The following ARHGEF7 variants were observed in gnomAD, a reference collection of about 807,000 sequenced individuals.
ARHGEF7 encodes Rho guanine nucleotide exchange factor 7.
In ARHGEF7, 33 loss-of-function variants were observed where a neutral mutation model predicts 109.8. The observed-to-expected ratio is 0.30, with a 90% CI of 0.23 to 0.40. The LOEUF is 0.40. Ranked by LOEUF, ARHGEF7 falls within the 10% of genes least tolerant of loss-of-function variation. ARHGEF7 has a pLI of 1.00. For missense variants in ARHGEF7, 938 were observed against 1,098.5 expected, an observed-to-expected ratio of 0.85 and a Z score of 2.07; for synonymous variants, 458 against 424.6, an observed-to-expected ratio of 1.08 and a Z score of -0.97.
At chr13:111,181,642 G>A (rs1188877333) in intron 2 of ARHGEF7, among the ~76,000 whole-genome samples, 1 of 152,194 alleles carries the variant, frequency 6.6e-6, no homozygotes, top group Admixed American at 6.5e-5. Context: ...CTTGCCCTGA[G>A]GGAGTATAGA....
Position 111,290,441 on chromosome 13 carries a change from A to G in ARHGEF7, c.2135-1677A>G, listed in dbSNP as rs138484020. Among the ~76,000 whole-genome samples the G allele has an allele frequency of 5.8e-4, 89 of 152,376 alleles. 1 individual carries two copies. In the East Asian group the frequency reaches 0.016, roughly 27 times the overall value. On this transcript the variant is annotated intron_variant, in intron 18 of 21. Transcript: ENST00000646102. ...ATATGGGAGGTTGTGTGTAGGTACAATGCAAACACCATGCCATCTTATATC... is the reference window on the plus strand; with the variant it reads ...ATATGGGAGGTTGTGTGTAGGTACAGTGCAAACACCATGCCATCTTATATC...
At position 111,266,977 on chromosome 13, in the gene ARHGEF7, T is replaced by A; in HGVS notation, c.951-571T>A. The A allele has an allele frequency of 2.2e-6, 1 of 449,970 alleles. No individual in the cohort carries two copies. 27.9% of individuals were successfully genotyped at this position (449,970 alleles called of 1,614,324 possible). A position where few individuals can be genotyped will look rare whatever the true frequency, so the allele number is the denominator to read the frequency against. On this transcript the variant is annotated intron_variant, in intron 8 of 21. Coordinates refer to ENST00000646102, the MANE Select transcript of ARHGEF7 (RefSeq NM_001354046.2). The surrounding 1 kb of genome is among the most constrained non-coding windows in gnomAD (Gnocchi z 4.8). ...ACAGCTTGTGCCGACTTGTCACCCC[T>A]CATGCAGCTTCCAGTGCTGGTTCTG...
At chr13:111,275,401 C>T in intron 11 of ARHGEF7, 131 bp from the exon 12 acceptor site, 1 of 1,057,078 alleles carries the variant, frequency 9.5e-7, no homozygotes, top group South Asian at 1.6e-5. Context: ...GCAAATCGCT[C>T]AATAAATTAT....
At chr13:111,154,064 C>A in intron 2 of ARHGEF7, 73 bp downstream of exon 2, 1 of 1,409,326 alleles carries the variant, frequency 7.1e-7, no homozygotes, top group South Asian at 1.3e-5. Context: ...GTGCTTCGCT[C>A]CAGCCGGACC....
chr13:111,129,257 C>G (rs2074613709), intron 1 of ARHGEF7, among the ~76,000 whole-genome samples: 1 of 152,026 alleles, frequency 6.6e-6, no homozygotes, highest in African/African-American at 2.4e-5. Context: ...TAAAAAACTC[C>G]TAGAAGAAAA....
chr13:111,186,061 T>C, intron 2 of ARHGEF7, among the ~76,000 whole-genome samples: 1 of 151,610 alleles, frequency 6.6e-6, no homozygotes, highest in East Asian at 1.9e-4. Context: ...AGGTACGGGC[T>C]GTGTGGGCCA....
chr13:111,183,466 A>T (rs2078959961), intron 2 of ARHGEF7, among the ~76,000 whole-genome samples: 1 of 151,774 alleles, frequency 6.6e-6, no homozygotes, highest in Non-Finnish European at 1.5e-5. Flanking sequence ...GATGGGGTCT[A>T]CCCTCAGGTC....
intron 2 of ARHGEF7, among the ~76,000 whole-genome samples, chr13:111,197,788 C>T (rs1038713648): frequency 4.6e-5 from 7 of 152,018 alleles, no homozygotes; most frequent in African/African-American, 1.7e-4. Flanking sequence ...ATTGGCGGGC[C>T]CGGGTGCCTA....
At chr13:111,134,001 G>A (rs893117580) in intron 1 of ARHGEF7, among the ~76,000 whole-genome samples, 6 of 146,458 alleles carry the variant, frequency 4.1e-5, no homozygotes, top group African/African-American at 1.3e-4. Context: ...CCCTTCCTGT[G>A]TCCAAGTGTT....
intron 2 of ARHGEF7, among the ~76,000 whole-genome samples, chr13:111,165,692 C>T (rs1260093512): frequency 6.6e-6 from 1 of 152,134 alleles, no homozygotes; most frequent in African/African-American, 2.4e-5. Flanking sequence ...AGGAAGTGTC[C>T]TGCACAGCGG....
At chr13:111,120,696 C>G (rs780844114) in intron 1 of ARHGEF7, among the ~76,000 whole-genome samples, 5 of 152,182 alleles carry the variant, frequency 3.3e-5, no homozygotes, top group Non-Finnish European at 7.3e-5. Flanking sequence ...TCTGCCTGCT[C>G]GCCTCCTTTC....
At chr13:111,153,875 G>A in intron 1 of ARHGEF7, 30 bp from the exon 2 acceptor site, 2 of 1,580,218 alleles carry the variant, frequency 1.3e-6, no homozygotes, top group Non-Finnish European at 1.7e-6. Context: ...TGCCGGCCAC[G>A]GCGCTCAGCG....
chr13:111,286,649 C>G (rs764420909), intron 17 of ARHGEF7, among the ~76,000 whole-genome samples: 3 of 152,172 alleles, frequency 2.0e-5, no homozygotes, highest in Non-Finnish European at 4.4e-5. Flanking sequence ...GTAGCACCCA[C>G]CCGTGCTGTT....
At position 111,267,642 on chromosome 13, in the gene ARHGEF7, T is replaced by C; in HGVS notation, c.1045T>C (p.Ser349Pro). The change falls in exon 9 of 22, where the codon TCT (serine) becomes CCT (proline). Residue 349 changes from serine (S) to proline (P), a missense_variant. Around this residue, in one of 4 missense-constraint regions of ARHGEF7, gnomAD observed 585 missense variants for 723.6 expected, o/e 0.81. Coordinates refer to ENST00000646102, the MANE Select transcript of ARHGEF7 (RefSeq NM_001354046.2). ...LYLTYCANHPSAVNVLTEHSE... is the reference protein window; with the variant it reads ...LYLTYCANHPPAVNVLTEHSE... ...CCTCACGTATTGTGCCAATCACCCTTCTGCAGTGAATGTCCTCACGGAACA... is the reference window on the plus strand; with the variant it reads ...CCTCACGTATTGTGCCAATCACCCTCCTGCAGTGAATGTCCTCACGGAACA... 2 of 1,614,086 alleles carry C rather than the reference T, an allele frequency of 1.2e-6. No homozygotes were observed. The highest frequency in any genetic ancestry group is 1.7e-6 in the Non-Finnish European group (2 of 1,179,930).
intron 11 of ARHGEF7, 152 bp downstream of exon 11, chr13:111,274,942 C>T: frequency 2.2e-6 from 1 of 456,118 alleles, no homozygotes; most frequent in Non-Finnish European, 3.8e-6. Flanking sequence ...TGGTAAACTC[C>T]TTTTAGTGGA....
chr13:111,233,342 T>C (rs2086360220), intron 6 of ARHGEF7, 49 bp downstream of exon 6: 2 of 1,429,844 alleles, frequency 1.4e-6, no homozygotes, highest in Non-Finnish European at 2.0e-6. Flanking sequence ...TGACTGCCTG[T>C]AAAACTCAGC....
At chr13:111,153,660 G>A in intron 1 of ARHGEF7, 1 of 1,236,496 alleles carries the variant, frequency 8.1e-7, no homozygotes, top group Non-Finnish European at 1.0e-6. Flanking sequence ...TCCGGCGCCG[G>A]GGCTCACTTC....
intron 1 of ARHGEF7, among the ~76,000 whole-genome samples, chr13:111,149,778 C>T (rs2075801558): frequency 6.6e-6 from 1 of 152,164 alleles, no homozygotes; most frequent in Admixed American, 6.5e-5. Flanking sequence ...ATATACAGTA[C>T]TCACATAACA....
At chr13:111,130,738 A>T (rs2074701009) in intron 1 of ARHGEF7, among the ~76,000 whole-genome samples, 1 of 152,262 alleles carries the variant, frequency 6.6e-6, no homozygotes, top group Non-Finnish European at 1.5e-5. Flanking sequence ...ACAGATTTCC[A>T]AACACGCAGC....
Sources: gnomAD v4.1 joint callset for allele counts (sites outside exome capture counted in the v4.1 genomes callset) on GRCh38, gnomAD v4.1.1 for gene constraint, gnomAD v4.1.1 regional missense constraint, Gnocchi (gnomAD v3.1) non-coding constraint, MANE v1.5 for transcripts, NCBI Gene and HGNC (gene_info 2026-07-23, HGNC 2026-07-21) for gene names.